The following DNAH11 variants were observed in gnomAD, a reference collection of about 807,000 sequenced individuals.
The protein encoded by DNAH11 is axonemal beta dynein heavy chain 11.
Under a neutral mutation model 526.0 loss-of-function variants are expected in DNAH11, and 442 were observed. The ratio of observed to expected loss-of-function variants is 0.84; its 90% CI spans 0.78 to 0.91. The LOEUF is 0.91. Among genes scored for constraint, DNAH11 ranks in the 40% least tolerant of loss-of-function variants. The pLI, the probability that DNAH11 is intolerant of heterozygous loss-of-function variation, is 0.00. For synonymous variants in DNAH11, 2,461 were observed against 1,935.9 expected, an observed-to-expected ratio of 1.27 and a Z score of -7.12; for missense variants, 6,989 against 5,448.7, an observed-to-expected ratio of 1.28 and a Z score of -8.90.
rs755370038 is a variant in DNAH11 at position 21,744,920 on chromosome 7, T to A, written c.8367T>A (p.Phe2789Leu). 6.2e-7 allele frequency: 1 copy of A among 1,611,242 alleles called. No homozygotes were observed. Among genetic ancestry groups the A allele is most frequent in the Non-Finnish European group, 8.5e-7 (1 of 1,178,788 alleles). ...LLQQPLIYCH[F>L]ADRGKDPHYM... ...AACAGCCCCTCATTTATTGCCACTT[T>A]GCTGATAGAGGGAAGGACCCACATT... The change falls in exon 51 of 82, where the codon TTT becomes TTA. Residue 2789 changes from phenylalanine to leucine, a missense_variant. Physicochemically the swap from Phe to Leu is conservative, Grantham distance 22. Transcript: ENST00000409508.
chr7:21,775,100 C>T (rs932229696), intron 56 of DNAH11, among the ~76,000 whole-genome samples: 2 of 152,150 alleles, frequency 1.3e-5, no homozygotes, highest in Non-Finnish European at 2.9e-5. Context: ...TGGGCCAAAG[C>T]ACCACTTGCC....
chr7:21,600,930 G>A lies in DNAH11; in HGVS notation c.3255G>A (p.Gln1085=), dbSNP rs1177556449. 6.2e-7 allele frequency: 1 copy of A among 1,613,312 alleles called. No homozygotes were observed. Among genetic ancestry groups the A allele is most frequent in the East Asian group, 2.2e-5 (1 of 44,872 alleles). Residue 1085 remains glutamine (Q), a splice_region_variant and synonymous_variant, in exon 16 of 82, where the codon CAG becomes CAA. Transcript: ENST00000409508. ...QPPTLEQFKE[Q]IDIYEALYVQ... ...CAACTCTTGAGCAATTCAAAGAACAGGCAAGGAAAACCCTTAGCATTTAAT... is the reference window on the plus strand; with the variant it reads ...CAACTCTTGAGCAATTCAAAGAACAAGCAAGGAAAACCCTTAGCATTTAAT...
chr7:21,589,219 A>T lies in DNAH11; in HGVS notation c.1985A>T (p.Asn662Ile). 6.2e-7 allele frequency: 1 copy of T among 1,603,462 alleles called. No individual in the cohort carries two copies. Residue 662 changes from asparagine (N) to isoleucine (I), a missense_variant, in exon 12 of 82, where the codon AAT (asparagine) becomes ATT (isoleucine). By Grantham distance (149) the Asn-to-Ile change is moderately radical (BLOSUM62 -3). Transcript: ENST00000409508. The part of the protein sequence containing the change: ...FASLRYLFLG[N>I]PDHALVYQKY... ...CCTTATTCCTACAGATTTTTGGGCA[A>T]TCCTGATCACGCTTTAGTTTATCAA...
At position 21,861,758 on chromosome 7, in the gene DNAH11, A is replaced by G. The variant is rs1442594491; in HGVS notation, c.11203-95A>G. On this transcript the variant is annotated intron_variant, in intron 68 of 81. Coordinates refer to ENST00000409508, the MANE Select transcript of DNAH11 (RefSeq NM_001277115.2). ...AAATTTTGCCTCATTCTCACTCCCT[A>G]TAGATAAACCTTAAACTGTTGCCCT... The G allele has an allele frequency of 3.8e-5, 57 of 1,491,508 alleles. No individual in the cohort carries two copies. In the Admixed American group the frequency reaches 6.1e-4, roughly 16 times the overall value. The allele number at this position is 1,491,508 out of a possible 1,614,324, so 92.4% of individuals were successfully genotyped here.
intron 68 of DNAH11, among the ~76,000 whole-genome samples, chr7:21,859,009 C>A (rs1287151763): frequency 1.3e-5 from 2 of 152,132 alleles, no homozygotes. Context: ...AAATTCTACA[C>A]CTGACCTCAT....
intron 57 of DNAH11, among the ~76,000 whole-genome samples, chr7:21,783,590 C>G (rs1328376721): frequency 6.6e-6 from 1 of 152,188 alleles, no homozygotes; most frequent in Non-Finnish European, 1.5e-5. Context: ...TTCACTCTTC[C>G]TGGCCTTTCA....
chr7:21,733,528 G>A (rs931345427), intron 45 of DNAH11, among the ~76,000 whole-genome samples: 1 of 151,966 alleles, frequency 6.6e-6, no homozygotes, highest in Non-Finnish European at 1.5e-5. Context: ...CTGGTTGAAG[G>A]CTGAGAACCT....
At chr7:21,602,826 A>C (rs1417436214) in intron 18 of DNAH11, among the ~76,000 whole-genome samples, 1 of 152,170 alleles carries the variant, frequency 6.6e-6, no homozygotes, top group Non-Finnish European at 1.5e-5. Context: ...TCCCTCATTT[A>C]AACAATTTCT....
chr7:21,869,928 G>A (rs1783432462), intron 73 of DNAH11, among the ~76,000 whole-genome samples: 1 of 152,182 alleles, frequency 6.6e-6, no homozygotes, highest in Non-Finnish European at 1.5e-5. Context: ...GGGCACCTGA[G>A]GAATGTGCTG....
intron 74 of DNAH11, among the ~76,000 whole-genome samples, chr7:21,876,174 C>T (rs1465842211): frequency 1.3e-5 from 2 of 152,076 alleles, no homozygotes; most frequent in Admixed American, 1.3e-4. Flanking sequence ...TGAGCCACCG[C>T]ACCTGGCCCA....
intron 30 of DNAH11, among the ~76,000 whole-genome samples, chr7:21,670,274 G>C (rs951663227): frequency 6.6e-6 from 1 of 151,782 alleles, no homozygotes; most frequent in Non-Finnish European, 1.5e-5. Context: ...ATTTTTAGAT[G>C]GTTGATGTGT....
chr7:21,868,167 C>G (rs955773224), intron 72 of DNAH11, among the ~76,000 whole-genome samples, 160 bp downstream of exon 72: 7 of 151,362 alleles, frequency 4.6e-5, no homozygotes, highest in Admixed American at 2.6e-4. Context: ...CTAATAACCC[C>G]ATAGTCTGAA....
At chr7:21,801,332 T>C in intron 62 of DNAH11, 57 bp downstream of exon 62, 2 of 1,593,124 alleles carry the variant, frequency 1.3e-6, no homozygotes, top group Non-Finnish European at 8.6e-7. Context: ...CTTGTGGGGA[T>C]TTTATTATTT....
chr7:21,867,528 G>T (rs575047388), intron 71 of DNAH11, among the ~76,000 whole-genome samples: 1 of 152,134 alleles, frequency 6.6e-6, no homozygotes, highest in Admixed American at 6.5e-5. Context: ...CAAATCTAAT[G>T]AACTGTTAAT....
chr7:21,791,102 G>C (rs10260699), intron 61 of DNAH11, among the ~76,000 whole-genome samples: 1 of 152,152 alleles, frequency 6.6e-6, no homozygotes, highest in South Asian at 2.1e-4. Context: ...ACAGAGAGAC[G>C]GGAGGAATAC....
At chr7:21,712,747 C>G (rs1246137087) in intron 42 of DNAH11, among the ~76,000 whole-genome samples, 1 of 152,142 alleles carries the variant, frequency 6.6e-6, no homozygotes, top group African/African-American at 2.4e-5. Flanking sequence ...GTGCCTGGAT[C>G]TTGTTAAAAT....
chr7:21,891,579 A>G (rs1392626453), intron 76 of DNAH11, among the ~76,000 whole-genome samples: 1 of 152,164 alleles, frequency 6.6e-6, no homozygotes, highest in Non-Finnish European at 1.5e-5. Context: ...TCTACATTCT[A>G]ATGTTTAGAG....
rs758398330 is a variant in DNAH11 at position 21,779,085 on chromosome 7, C to G, written c.9464C>G (p.Ala3155Gly). The change falls in exon 57 of 82, where the codon GCT (alanine) becomes GGT (glycine). Residue 3155 changes from alanine to glycine, a missense_variant. By Grantham distance (60) the Ala-to-Gly change is moderately conservative (BLOSUM62 0). Coordinates refer to ENST00000409508, the MANE Select transcript of DNAH11 (RefSeq NM_001277115.2). ...AAAGTGAGCCGGGAAAAGACCATCG[C>G]TGATGCTGAGGAGCGAAAGGTCAGG... ...TEKVSREKTI[A>G]DAEERKVTAI... 3.3e-5 allele frequency: 54 copies of G among 1,612,862 alleles called. 1 individual carries two copies. In the South Asian group the frequency reaches 5.8e-4, roughly 17 times the overall value.
At position 21,787,450 on chromosome 7, in the gene DNAH11, C is replaced by T. The variant is rs374439635; in HGVS notation, c.9791C>T (p.Pro3264Leu). 4 of 1,613,158 alleles carry T rather than the reference C, an allele frequency of 2.5e-6. No individual in the cohort carries two copies. In the African/African-American group the frequency reaches 5.3e-5, roughly 22 times the overall value. Reference protein sequence around the residue: ...ALINYDKEHIPENCLKVVNEH... With the variant: ...ALINYDKEHILENCLKVVNEH... ...ATTAACTATGACAAAGAGCACATTCCAGAGAACTGTCTAAAAGTGGTGAAT... is the reference window on the plus strand; with the variant it reads ...ATTAACTATGACAAAGAGCACATTCTAGAGAACTGTCTAAAAGTGGTGAAT... Residue 3264 changes from proline to leucine, a missense_variant, in exon 60 of 82, where the codon CCA becomes CTA. Coordinates refer to ENST00000409508, the MANE Select transcript of DNAH11 (RefSeq NM_001277115.2).
Sources: gnomAD v4.1 joint callset for allele counts (sites outside exome capture counted in the v4.1 genomes callset) on GRCh38, gnomAD v4.1.1 for gene constraint, MANE v1.5 for transcripts, NCBI Gene and HGNC (gene_info 2026-07-23, HGNC 2026-07-21) for gene names.